The following PBX3 variants were observed in gnomAD, a reference collection of about 807,000 sequenced individuals.
PBX3 encodes PBX homeobox 3, also known as pre-B-cell leukemia transcription factor 3.
In PBX3, 14 loss-of-function variants were observed where a neutral mutation model predicts 48.5. The ratio of observed to expected loss-of-function variants is 0.29; its 90% confidence interval spans 0.19 to 0.45. The LOEUF is 0.45. PBX3 is among the 20% of genes least tolerant of loss of function. The pLI is 1.00. For synonymous variants in PBX3, 210 were observed against 200.3 expected, an observed-to-expected ratio of 1.05 and a Z score of -0.41; for missense variants, 386 against 546.7, an observed-to-expected ratio of 0.71 and a Z score of 2.93.
rs201026171 is a variant in PBX3 at position 125,960,866 on chromosome 9, C to G, written c.1009+17C>G. The G allele has an allele frequency of 1.2e-6, 2 of 1,607,570 alleles. No homozygotes were observed. The highest frequency in any genetic ancestry group is 3.3e-5 in the Admixed American group (2 of 59,818). ...CAAATTCCGGTGCGTACTGGGGGCT[C>G]GCTCCCCAACTGGCCCAGGCAGCCT... On this transcript the variant is annotated intron_variant, in intron 6 of 8. Coordinates refer to ENST00000373489, the MANE Select transcript of PBX3 (RefSeq NM_006195.6).
At chr9:125,752,398 T>G (rs1468828184) in intron 2 of PBX3, among the ~76,000 whole-genome samples, 1 of 152,164 alleles carries the variant, frequency 6.6e-6, no homozygotes, top group African/African-American at 2.4e-5. Context: ...TGCCTTACTT[T>G]TAAAGGAACC....
At chr9:125,936,123 T>C (rs1453423982) in intron 5 of PBX3, among the ~76,000 whole-genome samples, 2 of 152,208 alleles carry the variant, frequency 1.3e-5, no homozygotes, top group Non-Finnish European at 1.5e-5. Context: ...AGAATTAAAT[T>C]CATGCTTTCA....
intron 2 of PBX3, among the ~76,000 whole-genome samples, chr9:125,818,141 G>A (rs1311947414): frequency 6.6e-6 from 1 of 151,420 alleles, no homozygotes; most frequent in Non-Finnish European, 1.5e-5. Context: ...GGAGGTTGCA[G>A]TGAGCTGAGA....
At chr9:125,823,176 G>A (rs529885308) in intron 2 of PBX3, among the ~76,000 whole-genome samples, 2 of 152,246 alleles carry the variant, frequency 1.3e-5, no homozygotes, top group South Asian at 2.1e-4. Context: ...GTGGAGAAAC[G>A]AACATTCTCT....
intron 2 of PBX3, among the ~76,000 whole-genome samples, chr9:125,813,487 C>A (rs528905305): frequency 9.8e-5 from 15 of 152,290 alleles, no homozygotes; most frequent in African/African-American, 3.4e-4. Flanking sequence ...GTCATTTAAA[C>A]GCATCAAGAT....
chr9:125,873,679 G>GA (rs2132328191), intron 2 of PBX3, among the ~76,000 whole-genome samples: 1 of 152,168 alleles, frequency 6.6e-6, no homozygotes, highest in South Asian at 2.1e-4. Flanking sequence ...CAACACTTAG[G>GA]AAATATGACT....
intron 2 of PBX3, among the ~76,000 whole-genome samples, chr9:125,762,570 T>G (rs1485968025): frequency 1.3e-5 from 2 of 152,200 alleles, no homozygotes; most frequent in African/African-American, 4.8e-5. Context: ...AATGATGAAT[T>G]GAAAGCAGAA....
chr9:125,780,928 TG>T (rs1837280117), intron 2 of PBX3, among the ~76,000 whole-genome samples: 1 of 122,212 alleles, frequency 8.2e-6, no homozygotes, highest in African/African-American at 3.3e-5. Context: ...AGGGGGCAGC[TG>T]GGCAGAGACG....
At chr9:125,769,289 A>C (rs1174794870) in intron 2 of PBX3, among the ~76,000 whole-genome samples, 1 of 152,202 alleles carries the variant, frequency 6.6e-6, no homozygotes, top group East Asian at 1.9e-4. Flanking sequence ...CATCAGTATA[A>C]ATGTCAACAC....
chr9:125,817,998 C>T (rs1315706582), intron 2 of PBX3, among the ~76,000 whole-genome samples: 5 of 152,032 alleles, frequency 3.3e-5, no homozygotes, highest in African/African-American at 7.2e-5. Context: ...GTCAGGAGAT[C>T]GAGACCAGAC....
intron 2 of PBX3, among the ~76,000 whole-genome samples, chr9:125,885,735 A>C (rs989169868): frequency 3.9e-5 from 6 of 152,088 alleles, no homozygotes; most frequent in African/African-American, 1.4e-4. Flanking sequence ...GCCATATGAA[A>C]ACCTGCCTTT....
Position 125,965,940 on chromosome 9 carries a change from T to C in PBX3, c.*17T>C. On this transcript the variant is annotated 3_prime_UTR_variant, in exon 9 of 9. Transcript: ENST00000373489. Reference sequence around the variant, plus strand: ...TCTAACTAATCTCTGGCCACACTTTTCCCTGAGCTACATGCCTTGATAAGT... The same window carrying C: ...TCTAACTAATCTCTGGCCACACTTTCCCCTGAGCTACATGCCTTGATAAGT... 1 of 1,589,728 alleles carries C rather than the reference T, an allele frequency of 6.3e-7. No homozygotes were observed. The highest frequency in any genetic ancestry group is 8.6e-7 in the Non-Finnish European group (1 of 1,157,698).
chr9:125,753,636 C>T (rs768840951), intron 2 of PBX3, among the ~76,000 whole-genome samples: 3 of 151,660 alleles, frequency 2.0e-5, no homozygotes, highest in Non-Finnish European at 2.9e-5. Flanking sequence ...TTTAATGACC[C>T]TCATTTTATT....
chr9:125,822,563 C>T (rs554820726), intron 2 of PBX3, among the ~76,000 whole-genome samples: 8 of 152,080 alleles, frequency 5.3e-5, no homozygotes, highest in South Asian at 4.1e-4. Flanking sequence ...TATTTCTTTA[C>T]GTTGAAACCT....
At chr9:125,804,807 C>T (rs1037735393) in intron 2 of PBX3, among the ~76,000 whole-genome samples, 3 of 122,764 alleles carry the variant, frequency 2.4e-5, no homozygotes, top group Admixed American at 1.7e-4. Flanking sequence ...ATTAGCTGGG[C>T]GGGGTGGCGG....
At chr9:125,873,772 AG>A (rs1840183331) in intron 2 of PBX3, among the ~76,000 whole-genome samples, 8 of 152,168 alleles carry the variant, frequency 5.3e-5, no homozygotes, top group Admixed American at 5.2e-4. Flanking sequence ...AAAATCCAAT[AG>A]AACCTAAAAG....
chr9:125,772,364 C>G (rs1432772437), intron 2 of PBX3, among the ~76,000 whole-genome samples: 1 of 152,132 alleles, frequency 6.6e-6, no homozygotes, highest in South Asian at 2.1e-4. Flanking sequence ...GTTAGTACTC[C>G]TAAAGTAGCT....
chr9:125,828,425 A>G (rs1055879376), intron 2 of PBX3, among the ~76,000 whole-genome samples: 2 of 152,200 alleles, frequency 1.3e-5, no homozygotes, highest in African/African-American at 4.8e-5. Context: ...GAGCCCTATA[A>G]GAAGGGAGAT....
chr9:125,869,542 A>G (rs890363270), intron 2 of PBX3, among the ~76,000 whole-genome samples: 2 of 152,216 alleles, frequency 1.3e-5, no homozygotes, highest in Non-Finnish European at 2.9e-5. Context: ...GCAACAATGA[A>G]TAAACAGACA....
Sources: allele counts gnomAD v4.1 joint callset (sites outside exome capture counted in the v4.1 genomes callset), GRCh38; gene constraint gnomAD v4.1.1; transcripts MANE v1.5; gene names NCBI Gene and HGNC (gene_info 2026-07-23, HGNC 2026-07-21).